The following SDK1 variants were observed in gnomAD, a reference collection of about 807,000 sequenced individuals.
The protein encoded by SDK1 is protein sidekick-1.
SDK1 carries 157 observed loss-of-function variants against 245.5 expected under a neutral mutation model. The ratio of observed to expected loss-of-function variants is 0.64; its 90% CI spans 0.56 to 0.73. The LOEUF (loss-of-function observed/expected upper bound fraction) is 0.73, where lower values mean the gene tolerates loss of function less well. SDK1 is among the 30% of genes least tolerant of loss of function. The pLI is 0.00. For missense variants in SDK1, 3,583 were observed against 3,002.3 expected (o/e 1.19, Z -4.52); for synonymous variants, 1,647 against 1,278.5 (o/e 1.29, Z -6.15).
intron 4 of SDK1, among the ~76,000 whole-genome samples, chr7:3,678,091 C>G (rs1352319690): frequency 1.3e-5 from 2 of 152,216 alleles, no homozygotes; most frequent in Admixed American, 6.5e-5. Context: ...GACACAACTT[C>G]ACACCCCTTG....
chr7:3,415,325 G>A (rs532533484), intron 1 of SDK1, among the ~76,000 whole-genome samples: 22 of 152,170 alleles, frequency 1.4e-4, no homozygotes, highest in African/African-American at 5.1e-4. Context: ...AACAAAACGT[G>A]TAATACTTAT....
chr7:3,671,093 G>A (rs896467903), intron 4 of SDK1, among the ~76,000 whole-genome samples: 1 of 152,144 alleles, frequency 6.6e-6, no homozygotes, highest in Non-Finnish European at 1.5e-5. Context: ...CTCAAGGCGG[G>A]GGGTGTCTTG....
Position 3,606,834 on chromosome 7 carries a change from G to A in SDK1, c.299-12246G>A, listed in dbSNP as rs192952305. On this transcript the variant is annotated intron_variant, in intron 1 of 44. Transcript: ENST00000404826. ...AGGTGTTTCTGTTATTATTCTGTAT[G>A]TGTCTTCCTGAAAAAAAAAATCTGT... 1.8e-3 allele frequency among the ~76,000 whole-genome samples: 259 copies of A among 145,820 alleles called. 1 individual carries two copies. The highest frequency in any genetic ancestry group is 6.1e-3 in the African/African-American group (247 of 40,736).
At chr7:4,073,352 C>A (rs534743460) in intron 20 of SDK1, among the ~76,000 whole-genome samples, 1 of 152,214 alleles carries the variant, frequency 6.6e-6, no homozygotes, top group Non-Finnish European at 1.5e-5. Flanking sequence ...TTTCTGCTGG[C>A]GTTTCTCTGC....
intron 5 of SDK1, among the ~76,000 whole-genome samples, chr7:3,898,760 T>G (rs1781686810): frequency 6.6e-6 from 1 of 152,170 alleles, no homozygotes; most frequent in Non-Finnish European, 1.5e-5. Context: ...CCAAACTAAG[T>G]CTTAGTAATT....
At chr7:4,243,350 T>TG (rs1469955752) in intron 43 of SDK1, among the ~76,000 whole-genome samples, 1 of 152,100 alleles carries the variant, frequency 6.6e-6, no homozygotes, top group African/African-American at 2.4e-5. Flanking sequence ...GAAAAGAAAA[T>TG]GGACCCTTCC....
At chr7:3,532,459 G>A (rs1035087213) in intron 1 of SDK1, among the ~76,000 whole-genome samples, 2 of 152,146 alleles carry the variant, frequency 1.3e-5, no homozygotes, top group African/African-American at 4.8e-5. Flanking sequence ...GGTCTCACCT[G>A]GTAGCTTTGC....
At chr7:3,392,115 T>G (rs1781773977) in intron 1 of SDK1, among the ~76,000 whole-genome samples, 1 of 152,008 alleles carries the variant, frequency 6.6e-6, no homozygotes, top group African/African-American at 2.4e-5. Context: ...CATGTCCACA[T>G]TAATCCATAA....
chr7:3,572,022 A>AG (rs1780132347), intron 1 of SDK1, among the ~76,000 whole-genome samples: 1 of 152,094 alleles, frequency 6.6e-6, no homozygotes, highest in South Asian at 2.1e-4. Context: ...TACGTACACA[A>AG]GATTACTTGG....
chr7:3,360,855 G>A (rs1430788586), intron 1 of SDK1, among the ~76,000 whole-genome samples: 4 of 149,604 alleles, frequency 2.7e-5, no homozygotes, highest in Non-Finnish European at 4.4e-5. Flanking sequence ...TATAATTTAG[G>A]GAATTTCCAT....
intron 1 of SDK1, among the ~76,000 whole-genome samples, chr7:3,477,392 C>T (rs1781380068): frequency 6.6e-6 from 1 of 151,334 alleles, no homozygotes; most frequent in African/African-American, 2.4e-5. Context: ...GATGGGGTTT[C>T]ACCTTGTTGG....
chr7:4,139,489 ATATATGTGTGTGTGTATATG>A (rs1779346811), intron 28 of SDK1, among the ~76,000 whole-genome samples: 4 of 69,606 alleles, frequency 5.7e-5, no homozygotes, highest in Admixed American at 1.4e-4. Context: ...ATGTGTGTGT[ATATATGTGTGTGTGTATATG>A]TATATATGTG....
At chr7:4,083,633 TTTCC>T (rs376192792) in intron 22 of SDK1, among the ~76,000 whole-genome samples, 4 of 38,300 alleles carry the variant, frequency 1.0e-4, no homozygotes, top group African/African-American at 3.3e-4. Context: ...CCCTCCCTCC[TTTCC>T]TTCCTTCCTT....
At chr7:3,709,950 G>A (rs1015706062) in intron 4 of SDK1, among the ~76,000 whole-genome samples, 2 of 152,130 alleles carry the variant, frequency 1.3e-5, no homozygotes, top group Non-Finnish European at 2.9e-5. Context: ...GGTGCCCCGA[G>A]ACTTAAATGT....
Position 3,514,674 on chromosome 7 carries a change from T to C in SDK1, c.299-104406T>C, listed in dbSNP as rs116720462. Among the ~76,000 whole-genome samples the C allele has an allele frequency of 3.1e-3, 465 of 152,286 alleles. 4 individuals are homozygous for C. Among genetic ancestry groups the C allele is most frequent in the African/African-American group, 0.011 (444 of 41,556 alleles). On this transcript the variant is annotated intron_variant, in intron 1 of 44. Coordinates refer to ENST00000404826, the MANE Select transcript of SDK1 (RefSeq NM_152744.4). ...GCAGGAGTGGAAGGGAGCATATGCT[T>C]AGCTGTCATTTAAGGAGGTTTCTGA...
chr7:4,250,250 T>G (rs920768723), intron 44 of SDK1, among the ~76,000 whole-genome samples: 1 of 152,250 alleles, frequency 6.6e-6, no homozygotes, highest in Non-Finnish European at 1.5e-5. Flanking sequence ...CAGTTCTCTT[T>G]CACATTGTTT....
chr7:4,157,977 T>C (rs1780876144), intron 30 of SDK1, among the ~76,000 whole-genome samples: 1 of 152,162 alleles, frequency 6.6e-6, no homozygotes, highest in African/African-American at 2.4e-5. Context: ...ACTCATTTTA[T>C]ACTTCGGATC....
At chr7:3,884,502 A>G (rs1399352537) in intron 5 of SDK1, among the ~76,000 whole-genome samples, 1 of 152,202 alleles carries the variant, frequency 6.6e-6, no homozygotes, top group Non-Finnish European at 1.5e-5. Flanking sequence ...GAGAGCAGTT[A>G]GCGCCGTTTC....
chr7:3,391,019 A>T (rs914426118), intron 1 of SDK1, among the ~76,000 whole-genome samples: 1 of 152,116 alleles, frequency 6.6e-6, no homozygotes, highest in Non-Finnish European at 1.5e-5. Context: ...CCAGTTTTGG[A>T]GTTCTGGAAG....
Sources: allele counts gnomAD v4.1 joint callset (sites outside exome capture counted in the v4.1 genomes callset), GRCh38; gene constraint gnomAD v4.1.1; transcripts MANE v1.5; gene names NCBI Gene and HGNC (gene_info 2026-07-23, HGNC 2026-07-21).